Variants in PRKG1 observed in about 807,000 individuals in gnomAD.
The protein encoded by PRKG1 is cGMP-dependent protein kinase 1.
A neutral mutation model predicts 88.1 loss-of-function variants in PRKG1; 35 were observed. The ratio of observed to expected loss-of-function variants is 0.40; its 90% CI spans 0.30 to 0.53. The LOEUF (loss-of-function observed/expected upper bound fraction) is 0.53. PRKG1 is among the 20% of genes least tolerant of loss of function. The pLI is 0.59. For synonymous variants in PRKG1, 303 were observed against 292.5 expected, an observed-to-expected ratio of 1.04 and a Z score of -0.37; for missense variants, 540 against 839.8, an observed-to-expected ratio of 0.64 and a Z score of 4.41.
At chr10:51,697,913 C>G (rs780889840) in intron 3 of PRKG1, 1 of 1,600,062 alleles carries the variant, frequency 6.2e-7, no homozygotes, top group South Asian at 1.1e-5. Context: ...CTGTATACCT[C>G]CTCCTTGTAT....
At chr10:51,343,862 T>G (rs978148303) in intron 2 of PRKG1, among the ~76,000 whole-genome samples, 1 of 152,202 alleles carries the variant, frequency 6.6e-6, no homozygotes, top group African/African-American at 2.4e-5. Flanking sequence ...GCCCCTCATA[T>G]GTAGCTAAAA....
chr10:51,924,659 ATT>A (rs1395808697), intron 5 of PRKG1, among the ~76,000 whole-genome samples: 4 of 149,904 alleles, frequency 2.7e-5, no homozygotes, highest in African/African-American at 9.8e-5. Flanking sequence ...TCATGCTGGT[ATT>A]CTAATTACGT....
intron 2 of PRKG1, among the ~76,000 whole-genome samples, chr10:51,185,277 A>G (rs750126383): frequency 1.3e-5 from 2 of 152,126 alleles, no homozygotes; most frequent in Admixed American, 6.6e-5. Context: ...ATAAGAATCT[A>G]TGGTGAATAT....
intron 2 of PRKG1, among the ~76,000 whole-genome samples, chr10:51,159,238 G>T (rs916213430): frequency 1.3e-5 from 2 of 152,036 alleles, no homozygotes; most frequent in African/African-American, 4.8e-5. Flanking sequence ...TGAGCCTTTC[G>T]ATGTCAGATG....
chr10:51,562,631 C>G (rs913349719), intron 3 of PRKG1, among the ~76,000 whole-genome samples: 1 of 152,098 alleles, frequency 6.6e-6, no homozygotes, highest in Admixed American at 6.6e-5. Flanking sequence ...TCTTTGATTA[C>G]TATAATTTCT....
chr10:51,948,720 C>T (rs912028909), intron 5 of PRKG1, among the ~76,000 whole-genome samples: 5 of 152,188 alleles, frequency 3.3e-5, no homozygotes, highest in Non-Finnish European at 4.4e-5. Flanking sequence ...CTATCATCAC[C>T]ACCACAACCT....
In PRKG1 at chr10:51,121,641, A is replaced by AT. The variant is rs910351555; in HGVS notation, c.312-31517dup. 5.3e-5 allele frequency among the ~76,000 whole-genome samples: 8 copies of AT among 152,062 alleles called. No homozygotes were observed. The East Asian group carries it at 5.8e-4, about 11-fold the overall frequency. ...TAATTGAAGATTTAAAATTTTAAAG[A>AT]TTTTTTCCAAGGCCACCCAGCTAGT... On this transcript the variant is annotated intron_variant, in intron 1 of 17. Transcript: ENST00000373980.
At chr10:51,355,321 A>G (rs555620973) in intron 2 of PRKG1, among the ~76,000 whole-genome samples, 1 of 152,168 alleles carries the variant, frequency 6.6e-6, no homozygotes, top group South Asian at 2.1e-4. Flanking sequence ...CACTGTTTTA[A>G]GTTCCTTTGA....
intron 3 of PRKG1, among the ~76,000 whole-genome samples, chr10:51,788,587 G>C (rs556612572): frequency 2.6e-5 from 4 of 152,148 alleles, no homozygotes; most frequent in Non-Finnish European, 4.4e-5. Flanking sequence ...GTCTACTAGC[G>C]CCTAGAAAAT....
At chr10:51,208,596 G>A (rs147757663) in intron 2 of PRKG1, among the ~76,000 whole-genome samples, 1,869 of 152,246 alleles carry the variant, frequency 0.012, 23 homozygotes, top group Non-Finnish European at 0.02. Context: ...ATAATGGGAA[G>A]GGGACTTCAA....
rs193019310 is a variant in PRKG1 at position 51,766,132 on chromosome 10, G to T, written c.593-38453G>T. ...AAAATTAAGGAGCTCAGACACCAAG[G>T]GTGAGGTTACAGCAAAAGTTTAATA... is the stretch of plus-strand genomic sequence containing the variant. On this transcript the variant is annotated intron_variant, in intron 3 of 17. Coordinates refer to ENST00000373980, the MANE Select transcript of PRKG1 (RefSeq NM_006258.4). Among the ~76,000 whole-genome samples, 562 of 151,912 alleles carry T rather than the reference G, an allele frequency of 3.7e-3. 4 individuals carry two copies. Among genetic ancestry groups the T allele is most frequent in the Non-Finnish European group, 5.0e-3 (341 of 68,008 alleles).
At chr10:51,619,764 A>C (rs1589136014) in intron 3 of PRKG1, among the ~76,000 whole-genome samples, 1 of 152,312 alleles carries the variant, frequency 6.6e-6, no homozygotes, top group Non-Finnish European at 1.5e-5. Context: ...ATTTATTGTC[A>C]GGTCTATCCT....
At chr10:51,904,174 C>T (rs949369479) in intron 4 of PRKG1, among the ~76,000 whole-genome samples, 14 of 152,034 alleles carry the variant, frequency 9.2e-5, no homozygotes, top group Non-Finnish European at 2.1e-4. Context: ...GGAACCAAAA[C>T]AATAGGTAAT....
chr10:51,855,177 T>G (rs183897728), intron 4 of PRKG1, among the ~76,000 whole-genome samples: 81 of 152,322 alleles, frequency 5.3e-4, no homozygotes, highest in African/African-American at 1.9e-3. Flanking sequence ...TTAGACTTAT[T>G]TCAAAGGATC....
At chr10:52,022,921 GTTTT>G (rs1176423777) in intron 5 of PRKG1, among the ~76,000 whole-genome samples, 1 of 151,724 alleles carries the variant, frequency 6.6e-6, no homozygotes, top group Non-Finnish European at 1.5e-5. Context: ...AGGTGAGGGT[GTTTT>G]TTTAATTATA....
At chr10:51,466,324 T>C (rs1012966985) in intron 2 of PRKG1, among the ~76,000 whole-genome samples, 1 of 152,154 alleles carries the variant, frequency 6.6e-6, no homozygotes, top group Non-Finnish European at 1.5e-5. Context: ...GCCGTACCTG[T>C]GTAAGCAAGT....
At chr10:51,421,461 G>C (rs1209181428) in intron 2 of PRKG1, among the ~76,000 whole-genome samples, 1 of 152,154 alleles carries the variant, frequency 6.6e-6, no homozygotes, top group Non-Finnish European at 1.5e-5. Flanking sequence ...TTACAAGAGT[G>C]AGGCACTGTG....
chr10:51,159,771 T>C (rs1846314356), intron 2 of PRKG1, among the ~76,000 whole-genome samples: 1 of 152,044 alleles, frequency 6.6e-6, no homozygotes. Flanking sequence ...TGGACAGATT[T>C]AGGAAGAAAG....
chr10:51,650,148 G>A (rs1466610220), intron 3 of PRKG1, among the ~76,000 whole-genome samples: 1 of 152,086 alleles, frequency 6.6e-6, no homozygotes, highest in African/African-American at 2.4e-5. Context: ...ATAAAGCATA[G>A]CCCTGGTATT....
Sources: allele counts gnomAD v4.1 joint callset (sites outside exome capture counted in the v4.1 genomes callset), GRCh38; gene constraint gnomAD v4.1.1; transcripts MANE v1.5; gene names NCBI Gene and HGNC (gene_info 2026-07-23, HGNC 2026-07-21).